Variants in NTM observed in about 807,000 individuals in gnomAD.
NTM encodes IgLON family member 2.
NTM carries 13 observed loss-of-function variants against 42.1 expected under a neutral mutation model. That is an observed-to-expected ratio of 0.31 (90% confidence interval 0.20 to 0.49). The LOEUF (loss-of-function observed/expected upper bound fraction) is 0.49, where lower values mean the gene tolerates loss of function less well. Among genes scored for constraint, NTM ranks in the 20% least tolerant of loss-of-function variants. NTM has a pLI of 0.99. For synonymous variants in NTM, 187 were observed against 179.2 expected (o/e 1.04, Z -0.35); for missense variants, 373 against 452.8 (o/e 0.82, Z 1.60).
At chr11:131,465,096 A>G (rs1951764702) in intron 1 of NTM, among the ~76,000 whole-genome samples, 1 of 152,244 alleles carries the variant, frequency 6.6e-6, no homozygotes, top group Non-Finnish European at 1.5e-5. Context: ...TGACCCCAGA[A>G]TGATTTATAT....
At chr11:131,398,068 T>A (rs1944750713) in intron 1 of NTM, among the ~76,000 whole-genome samples, 1 of 152,260 alleles carries the variant, frequency 6.6e-6, no homozygotes, top group Non-Finnish European at 1.5e-5. Flanking sequence ...GTCATCTGAT[T>A]CTTTTTCACA....
intron 1 of NTM, among the ~76,000 whole-genome samples, chr11:131,522,983 G>T (rs1164259538): frequency 6.6e-6 from 1 of 152,148 alleles, no homozygotes; most frequent in Non-Finnish European, 1.5e-5. Context: ...TGAGTTACTG[G>T]GTTAACTAGA....
At chr11:131,571,102 T>A (rs2057400633) in intron 1 of NTM, among the ~76,000 whole-genome samples, 1 of 152,204 alleles carries the variant, frequency 6.6e-6, no homozygotes. Context: ...TGCCTCAAAT[T>A]ATTGATTTGA....
chr11:131,462,951 GA>G (rs567178609), intron 1 of NTM, among the ~76,000 whole-genome samples: 276 of 137,514 alleles, frequency 2.0e-3, no homozygotes, highest in African/African-American at 1.9e-3. Flanking sequence ...ATCTACTCAT[GA>G]AAAAAAAAAA....
chr11:132,130,291 G>A (rs2066584793), intron 2 of NTM, among the ~76,000 whole-genome samples: 2 of 152,040 alleles, frequency 1.3e-5, no homozygotes, highest in Admixed American at 6.6e-5. Context: ...GGAGATGCAA[G>A]GAGATACCAC....
At chr11:131,843,854 T>C (rs914335391) in intron 1 of NTM, among the ~76,000 whole-genome samples, 1 of 152,146 alleles carries the variant, frequency 6.6e-6, no homozygotes, top group Non-Finnish European at 1.5e-5. Context: ...ACCAAGTTCT[T>C]TTTTCTTGTT....
Position 132,146,302 on chromosome 11 carries a change from T to C in NTM, c.188T>C (p.Val63Ala). 1 of 1,614,172 alleles carries C rather than the reference T, an allele frequency of 6.2e-7. No homozygotes were observed. The highest frequency in any genetic ancestry group is 1.1e-5 in the South Asian group (1 of 91,080). Residue 63 changes from valine to alanine, a missense_variant, in exon 3 of 9, where the codon GTC (valine) becomes GCC (alanine). Physicochemically the swap from Val to Ala is moderately conservative, Grantham distance 64 (BLOSUM62 0). Transcript: ENST00000683400. The surrounding 1 kb of genome is among the most constrained non-coding windows in gnomAD (Gnocchi z 4.5). ...TTCAGGTGCACTATTGACAACCGGG[T>C]CACCCGGGTGGCCTGGCTAAACCGC... ...ATLRCTIDNRVTRVAWLNRST... is the reference protein window; with the variant it reads ...ATLRCTIDNRATRVAWLNRST...
chr11:132,119,190 GCT>G (rs752443592), intron 2 of NTM, among the ~76,000 whole-genome samples: 107 of 152,308 alleles, frequency 7.0e-4, no homozygotes, highest in Non-Finnish European at 1.0e-3. Context: ...CAGGGCTGTA[GCT>G]CTGTGGTCAC....
At chr11:131,606,240 G>T (rs2060947502) in intron 1 of NTM, among the ~76,000 whole-genome samples, 1 of 152,028 alleles carries the variant, frequency 6.6e-6, no homozygotes, top group Non-Finnish European at 1.5e-5. Flanking sequence ...TTGTTTTGTA[G>T]AGATAGGCTC....
At chr11:131,552,911 C>T (rs143595003) in intron 1 of NTM, among the ~76,000 whole-genome samples, 3 of 152,028 alleles carry the variant, frequency 2.0e-5, no homozygotes, top group East Asian at 3.9e-4. Context: ...TTCAACGGAA[C>T]GTCAAACAGC....
At position 132,333,718 on chromosome 11, in the gene NTM, G is replaced by T. The variant is rs1188354080; in HGVS notation, c.968-1328G>T. Among the ~76,000 whole-genome samples, 24 of 152,156 alleles carry T rather than the reference G, an allele frequency of 1.6e-4. 1 individual carries two copies. The highest frequency in any genetic ancestry group is 1.6e-3 in the Admixed American group (24 of 15,282). On this transcript the variant is annotated intron_variant, in intron 8 of 8. Transcript: ENST00000683400. The stretch of plus-strand genomic sequence containing the variant: ...CCGGCCTTAGGGATACTGTGAATCA[G>T]ACACCAGGGAAACATGAGGTTGATG...
At chr11:131,599,380 C>T (rs1268604670) in intron 1 of NTM, among the ~76,000 whole-genome samples, 1 of 130,284 alleles carries the variant, frequency 7.7e-6, no homozygotes, top group Non-Finnish European at 1.8e-5. Context: ...ACCCAGTCTC[C>T]GGCAGAGCTA....
In NTM at chr11:131,818,587, C is replaced by T. The variant is rs1443128221; in HGVS notation, c.83-92977C>T. On this transcript the variant is annotated intron_variant, in intron 1 of 8. Coordinates refer to ENST00000683400, the MANE Select transcript of NTM (RefSeq NM_001352005.2). ...TTTAACATCTAGTCAAGCAGAAATA[C>T]TCAATTGCCAAAAACAGGCCACACT... 2.6e-5 allele frequency among the ~76,000 whole-genome samples: 4 copies of T among 152,072 alleles called. No homozygotes were observed. The East Asian group carries it at 7.7e-4, about 29-fold the overall frequency.
chr11:131,374,273 C>G (rs1941653268), intron 1 of NTM, among the ~76,000 whole-genome samples: 1 of 152,186 alleles, frequency 6.6e-6, no homozygotes, highest in Admixed American at 6.5e-5. Flanking sequence ...CACCTCCGCC[C>G]TTTGTATTAG....
rs543192665 is a variant in NTM, at chr11:132,167,036, A to AT, written c.400+20529dup. Among the ~76,000 whole-genome samples the AT allele has an allele frequency of 2.8e-3, 424 of 152,174 alleles. 4 individuals carry two copies. The highest frequency in any genetic ancestry group is 9.7e-3 in the African/African-American group (404 of 41,516). Reference sequence around the variant, plus strand: ...CCTCCTCTCACTTCCATCATGGCATATTTTTTTATTCTACTTAAAAAAGAT... The same window carrying AT: ...CCTCCTCTCACTTCCATCATGGCATATTTTTTTTATTCTACTTAAAAAAGAT... On this transcript the variant is annotated intron_variant, in intron 3 of 8. Transcript: ENST00000683400.
chr11:132,255,898 C>T (rs956669952), intron 4 of NTM, among the ~76,000 whole-genome samples: 7 of 152,152 alleles, frequency 4.6e-5, no homozygotes, highest in Non-Finnish European at 1.0e-4. Flanking sequence ...GGTTGCACAT[C>T]TTCACCTCGC....
intron 1 of NTM, among the ~76,000 whole-genome samples, chr11:131,838,466 G>A (rs924364560): frequency 1.3e-5 from 2 of 152,162 alleles, no homozygotes; most frequent in Non-Finnish European, 2.9e-5. Context: ...TAGTTGTGTT[G>A]CAAATTGCTA....
chr11:132,146,104 T>C lies in NTM; in HGVS notation c.168-178T>C. On this transcript the variant is annotated intron_variant, in intron 2 of 8. Transcript: ENST00000683400. The surrounding 1 kb of genome is among the most constrained non-coding windows in gnomAD (Gnocchi z 4.5). Reference sequence around the variant, plus strand: ...AGCTCCGAGCAACATTCTGAGGCTGTAATCCCATAAGACCTTTGCTGTGTT... The same window carrying C: ...AGCTCCGAGCAACATTCTGAGGCTGCAATCCCATAAGACCTTTGCTGTGTT... 8.7e-6 allele frequency: 4 copies of C among 458,898 alleles called. No individual in the cohort carries two copies. The highest frequency in any genetic ancestry group is 1.1e-5 in the Non-Finnish European group (4 of 348,904). 28.4% of individuals were successfully genotyped at this position (458,898 alleles called of 1,614,324 possible). A position where few individuals can be genotyped will look rare whatever the true frequency, so the allele number is the denominator to read the frequency against.
chr11:131,444,707 G>T (rs924708175), intron 1 of NTM, among the ~76,000 whole-genome samples: 2 of 152,160 alleles, frequency 1.3e-5, no homozygotes, highest in Non-Finnish European at 2.9e-5. Context: ...TTTAGGTTAG[G>T]TTAAAGATGA....
Sources: allele counts gnomAD v4.1 joint callset (sites outside exome capture counted in the v4.1 genomes callset), GRCh38; gene constraint gnomAD v4.1.1; non-coding constraint Gnocchi (gnomAD v3.1); transcripts MANE v1.5; gene names NCBI Gene and HGNC (gene_info 2026-07-23, HGNC 2026-07-21).